The following ATG10 variants were observed in gnomAD, a reference collection of about 807,000 sequenced individuals.
The protein encoded by ATG10 is ubiquitin-like-conjugating enzyme ATG10.
In ATG10, 30 loss-of-function variants were observed where a neutral mutation model predicts 32.1. The observed-to-expected ratio is 0.94, with a 90% CI of 0.70 to 1.27. The LOEUF is 1.27. Among genes scored for constraint, ATG10 ranks in the 50% most tolerant of loss-of-function variants. The pLI is 0.00. For synonymous variants in ATG10, 87 were observed against 91.5 expected (o/e 0.95, Z 0.28); for missense variants, 233 against 262.3 (o/e 0.89, Z 0.77).
At chr5:82,128,516 G>T (rs1181209481) in intron 3 of ATG10, among the ~76,000 whole-genome samples, 3 of 151,782 alleles carry the variant, frequency 2.0e-5, no homozygotes, top group Non-Finnish European at 4.4e-5. Context: ...TTGCTTGTCT[G>T]TAAAGGATTT....
chr5:81,989,528 A>T (rs941169325), intron 2 of ATG10, among the ~76,000 whole-genome samples: 4 of 152,156 alleles, frequency 2.6e-5, no homozygotes, highest in African/African-American at 9.7e-5. Context: ...CTCCAGGATG[A>T]TGTGACTGTG....
chr5:82,189,327 T>TTTAA (rs1744570659), intron 5 of ATG10, among the ~76,000 whole-genome samples: 1 of 152,242 alleles, frequency 6.6e-6, no homozygotes, highest in South Asian at 2.1e-4. Context: ...ATTGCTTTCA[T>TTTAA]TCTGTTACAG....
chr5:82,145,844 T>C (rs144203559), intron 3 of ATG10, among the ~76,000 whole-genome samples: 6,510 of 152,046 alleles, frequency 0.043, 149 homozygotes, highest in Middle Eastern at 0.058. Flanking sequence ...GTAGCTGGGA[T>C]TACAGGCATG....
chr5:82,017,699 A>T (rs996890148), intron 2 of ATG10, among the ~76,000 whole-genome samples: 2 of 152,162 alleles, frequency 1.3e-5, no homozygotes, highest in Non-Finnish European at 2.9e-5. Flanking sequence ...TTATGGAATG[A>T]TCCATTGGGT....
In ATG10 at chr5:82,084,188, C is replaced by G. The variant is rs979871367; in HGVS notation, c.216+25586C>G. On this transcript the variant is annotated intron_variant, in intron 3 of 7. Coordinates refer to ENST00000282185, the MANE Select transcript of ATG10 (RefSeq NM_031482.5). Reference sequence around the variant, plus strand: ...GCACGAGAGCTACGTGATGCATGCACAAGCTTCAGTAGCCAATCTGATCAA... The same window carrying G: ...GCACGAGAGCTACGTGATGCATGCAGAAGCTTCAGTAGCCAATCTGATCAA... Among the ~76,000 whole-genome samples, 9 of 152,130 alleles carry G rather than the reference C, an allele frequency of 5.9e-5. No homozygotes were observed. The East Asian group carries it at 1.7e-3, about 29-fold the overall frequency.
At chr5:82,217,388 C>A (rs1335143108) in intron 5 of ATG10, among the ~76,000 whole-genome samples, 1 of 152,020 alleles carries the variant, frequency 6.6e-6, no homozygotes, top group East Asian at 1.9e-4. Context: ...TGCATTAGTT[C>A]ATTTACTACT....
intron 5 of ATG10, among the ~76,000 whole-genome samples, chr5:82,202,941 A>AT (rs1209893500): frequency 6.6e-6 from 1 of 151,992 alleles, no homozygotes; most frequent in Admixed American, 6.6e-5. Context: ...AAAAGAAGTA[A>AT]TGGGGGGCTG....
At chr5:82,156,970 CT>C (rs1767822348) in intron 3 of ATG10, among the ~76,000 whole-genome samples, 1 of 152,312 alleles carries the variant, frequency 6.6e-6, no homozygotes, top group East Asian at 1.9e-4. Flanking sequence ...AGCTGTCTTG[CT>C]GTTTCCTATG....
At chr5:81,982,371 C>T (rs547762941) in intron 1 of ATG10, among the ~76,000 whole-genome samples, 1 of 152,260 alleles carries the variant, frequency 6.6e-6, no homozygotes, top group African/African-American at 2.4e-5. Context: ...GATGCTGAGT[C>T]AGGAGAATCG....
intron 5 of ATG10, among the ~76,000 whole-genome samples, chr5:82,229,096 C>T (rs1486497021): frequency 6.6e-6 from 1 of 152,148 alleles, no homozygotes; most frequent in African/African-American, 2.4e-5. Context: ...TAGGAGAGAT[C>T]CCTTGCCTTT....
intron 3 of ATG10, among the ~76,000 whole-genome samples, chr5:82,144,830 CTTTGT>C (rs1767283096): frequency 2.0e-5 from 3 of 152,130 alleles, no homozygotes; most frequent in African/African-American, 7.2e-5. Context: ...CATAAGTCCT[CTTTGT>C]TTTGACTAAA....
At chr5:82,045,842 G>C (rs1217998958) in intron 2 of ATG10, among the ~76,000 whole-genome samples, 2 of 151,832 alleles carry the variant, frequency 1.3e-5, no homozygotes, top group Non-Finnish European at 2.9e-5. Context: ...CGTGTGTCTG[G>C]TACTGATCCA....
In ATG10 at chr5:82,190,821, G is replaced by T. The variant is rs958614562; in HGVS notation, c.453+12234G>T. 7.7e-5 allele frequency among the ~76,000 whole-genome samples: 11 copies of T among 142,034 alleles called. No individual in the cohort carries two copies. In the East Asian group the frequency reaches 2.1e-3, roughly 27 times the overall value. 93.2% of individuals were successfully genotyped at this position (142,034 alleles called of 152,430 possible). A position where few individuals can be genotyped will look rare whatever the true frequency, so the allele number is the denominator to read the frequency against. ...AAAAAAAAATGGGGAGAATTCCATT[G>T]TAAGGTAAGGTCGTAATTGTTTTAA... is the stretch of plus-strand genomic sequence containing the variant. On this transcript the variant is annotated intron_variant, in intron 5 of 7. Transcript: ENST00000282185.
At chr5:82,013,903 G>T (rs1340267934) in intron 2 of ATG10, among the ~76,000 whole-genome samples, 2 of 151,852 alleles carry the variant, frequency 1.3e-5, no homozygotes, top group African/African-American at 4.8e-5. Context: ...CTGGATATTA[G>T]TCATTTGTCA....
At chr5:82,143,848 A>G (rs1410979235) in intron 3 of ATG10, among the ~76,000 whole-genome samples, 1 of 152,234 alleles carries the variant, frequency 6.6e-6, no homozygotes, top group Non-Finnish European at 1.5e-5. Context: ...ATTTTGTCCT[A>G]TAAAATGAGT....
chr5:82,139,938 T>TG (rs1458106159), intron 3 of ATG10, among the ~76,000 whole-genome samples: 16,623 of 46,800 alleles, frequency 0.36, 1,328 homozygotes, highest in Non-Finnish European at 0.41. Context: ...GGGAGGGAGG[T>TG]GGGGGGGTCA....
At chr5:82,026,375 T>A (rs1237738049) in intron 2 of ATG10, among the ~76,000 whole-genome samples, 2 of 152,256 alleles carry the variant, frequency 1.3e-5, no homozygotes, top group African/African-American at 4.8e-5. Context: ...TTATCCATTC[T>A]TCTGTTAATG....
chr5:82,234,956 C>A (rs958437341), intron 5 of ATG10, among the ~76,000 whole-genome samples: 1 of 152,090 alleles, frequency 6.6e-6, no homozygotes, highest in Non-Finnish European at 1.5e-5. Context: ...AATTTGTAGC[C>A]CATAGTATGT....
chr5:82,158,123 T>C (rs947180920), intron 3 of ATG10, among the ~76,000 whole-genome samples: 5 of 152,222 alleles, frequency 3.3e-5, no homozygotes, highest in Non-Finnish European at 7.3e-5. Context: ...TAAAGCTTAA[T>C]TCGTATCAGA....
Sources: allele counts gnomAD v4.1 joint callset (sites outside exome capture counted in the v4.1 genomes callset), GRCh38; gene constraint gnomAD v4.1.1; transcripts MANE v1.5; gene names NCBI Gene and HGNC (gene_info 2026-07-23, HGNC 2026-07-21).